The following TRAF3 variants were observed in gnomAD, a reference collection of about 807,000 sequenced individuals.
TRAF3 encodes the protein TNF receptor-associated factor 3.
TRAF3 carries 13 observed loss-of-function variants against 62.3 expected under a neutral mutation model. The ratio of observed to expected loss-of-function variants is 0.21; its 90% CI spans 0.14 to 0.33. TRAF3 has a LOEUF of 0.33. TRAF3 is among the 10% of genes least tolerant of loss of function. The probability of loss-of-function intolerance (pLI) is 1.00; values close to 1 mark genes in which losing one functional copy is unlikely to be tolerated. For synonymous variants in TRAF3, 269 were observed against 283.4 expected (o/e 0.95, Z 0.51); for missense variants, 440 against 741.8 (o/e 0.59, Z 4.73).
In TRAF3 at chr14:102,856,591, C is replaced by T. The variant is rs776016720; in HGVS notation, c.-17-13594C>T. Among the ~76,000 whole-genome samples the T allele has an allele frequency of 5.3e-5, 8 of 152,106 alleles. No homozygotes were observed. The South Asian group carries it at 6.2e-4, about 12-fold the overall frequency. On this transcript the variant is annotated intron_variant, in intron 2 of 11. Coordinates refer to ENST00000392745, the MANE Select transcript of TRAF3 (RefSeq NM_145725.3). ...GGTCTTTATTACCTGTATCTTGTGC[C>T]GACCTCCTGTCTCATCCTGTGACTT...
rs190066178 is a variant in TRAF3, at chr14:102,804,876, C to T, written c.-156-25458C>T. ...CTGTATGATATGTAATATATATGTT[C>T]TAATATTACAAACTTCTAAAAATCT... On this transcript the variant is annotated intron_variant, in intron 1 of 11. Transcript: ENST00000392745. Among the ~76,000 whole-genome samples, 814 of 152,196 alleles carry T rather than the reference C, an allele frequency of 5.3e-3. 5 individuals carry two copies. Among genetic ancestry groups the T allele is most frequent in the Admixed American group, 9.7e-3 (148 of 15,282 alleles).
intron 9 of TRAF3, among the ~76,000 whole-genome samples, chr14:102,895,551 G>A (rs1010854302): frequency 6.6e-6 from 1 of 152,178 alleles, no homozygotes; most frequent in Non-Finnish European, 1.5e-5. Context: ...GTTTTAGAGC[G>A]TACATCGTTG....
intron 2 of TRAF3, among the ~76,000 whole-genome samples, chr14:102,844,637 G>A (rs1886585024): frequency 6.6e-6 from 1 of 152,176 alleles, no homozygotes; most frequent in Admixed American, 6.5e-5. Flanking sequence ...GGAACCATGG[G>A]GAAGGTGAAC....
chr14:102,856,388 G>C (rs1351973849), intron 2 of TRAF3, among the ~76,000 whole-genome samples: 2 of 152,142 alleles, frequency 1.3e-5, no homozygotes, highest in Non-Finnish European at 2.9e-5. Flanking sequence ...GACCATACAG[G>C]GCAACTTCCT....
chr14:102,900,219 T>G (rs1595410954), intron 10 of TRAF3, among the ~76,000 whole-genome samples: 1 of 116,814 alleles, frequency 8.6e-6, no homozygotes, highest in Admixed American at 9.6e-5. Flanking sequence ...CCTAGGCCGG[T>G]AGGCCGGACA....
At chr14:102,779,628 A>G (rs899381809) in intron 1 of TRAF3, among the ~76,000 whole-genome samples, 7 of 152,206 alleles carry the variant, frequency 4.6e-5, no homozygotes, top group Non-Finnish European at 1.0e-4. Context: ...TATTGTCAGG[A>G]TACGTATGCT....
intron 1 of TRAF3, among the ~76,000 whole-genome samples, chr14:102,812,611 A>G (rs537346259): frequency 5.9e-5 from 9 of 152,156 alleles, no homozygotes; most frequent in Admixed American, 3.3e-4. Context: ...ATTCCTACCA[A>G]TAGTGTGTAA....
chr14:102,892,754 A>C (rs1170781802), intron 9 of TRAF3, among the ~76,000 whole-genome samples: 2 of 152,184 alleles, frequency 1.3e-5, no homozygotes, highest in African/African-American at 4.8e-5. Context: ...AAATAGAAAG[A>C]TTTCCCTTTA....
chr14:102,821,045 C>T (rs1238312740), intron 1 of TRAF3, among the ~76,000 whole-genome samples: 1 of 152,102 alleles, frequency 6.6e-6, no homozygotes, highest in Admixed American at 6.5e-5. Context: ...ATATGCATAT[C>T]TCAAGCACTT....
intron 11 of TRAF3, among the ~76,000 whole-genome samples, chr14:102,904,144 G>A (rs1890457149): frequency 6.6e-6 from 1 of 152,176 alleles, no homozygotes; most frequent in Admixed American, 6.5e-5. Flanking sequence ...ACTCTGTCTT[G>A]GACCCTGCAG....
At chr14:102,875,787 C>T (rs1217185792) in intron 5 of TRAF3, 59 bp downstream of exon 5, 2 of 1,448,736 alleles carry the variant, frequency 1.4e-6, no homozygotes, top group East Asian at 4.6e-5. Context: ...CCCTTACATC[C>T]AGCTGATGAA....
At chr14:102,889,841 C>T (rs1198230800) in intron 8 of TRAF3, among the ~76,000 whole-genome samples, 2 of 152,188 alleles carry the variant, frequency 1.3e-5, no homozygotes, top group Non-Finnish European at 2.9e-5. Flanking sequence ...CAGGGAGACA[C>T]TGTGCTGAGG....
At chr14:102,820,396 C>T (rs1595327180) in intron 1 of TRAF3, among the ~76,000 whole-genome samples, 1 of 151,850 alleles carries the variant, frequency 6.6e-6, no homozygotes, top group East Asian at 1.9e-4. Flanking sequence ...TGCAGTCACA[C>T]ACTCTGCCCT....
intron 1 of TRAF3, among the ~76,000 whole-genome samples, chr14:102,817,971 C>A (rs1376041008): frequency 6.6e-6 from 1 of 152,170 alleles, no homozygotes; most frequent in African/African-American, 2.4e-5. Flanking sequence ...TTGGCAATCA[C>A]CTTATTCTGC....
chr14:102,901,226 C>T (rs1393597314), intron 10 of TRAF3, among the ~76,000 whole-genome samples: 4 of 152,162 alleles, frequency 2.6e-5, no homozygotes, highest in East Asian at 1.9e-4. Context: ...CGTGCCCTTG[C>T]GTAGCACAAT....
At chr14:102,788,346 C>G (rs1160023686) in intron 1 of TRAF3, among the ~76,000 whole-genome samples, 3 of 152,164 alleles carry the variant, frequency 2.0e-5, no homozygotes, top group Admixed American at 2.0e-4. Flanking sequence ...TCACAATGTT[C>G]TGCAACCACC....
intron 10 of TRAF3, among the ~76,000 whole-genome samples, chr14:102,900,585 CAGG>C (rs1487624244): frequency 1.3e-5 from 2 of 152,222 alleles, no homozygotes; most frequent in East Asian, 1.9e-4. Flanking sequence ...TTCTTACAGT[CAGG>C]GGGTCCACAG....
chr14:102,875,128 C>G (rs1160653251), intron 4 of TRAF3, among the ~76,000 whole-genome samples: 2 of 152,164 alleles, frequency 1.3e-5, no homozygotes, highest in East Asian at 3.8e-4. Context: ...AATCATTCCC[C>G]AAATATGGTC....
intron 2 of TRAF3, among the ~76,000 whole-genome samples, chr14:102,843,463 T>C (rs1193107672): frequency 6.6e-6 from 1 of 151,702 alleles, no homozygotes; most frequent in African/African-American, 2.4e-5. Flanking sequence ...TCAGCCTCCC[T>C]AGTAGCTGGG....
Sources: allele counts gnomAD v4.1 joint callset (sites outside exome capture counted in the v4.1 genomes callset), GRCh38; gene constraint gnomAD v4.1.1; transcripts MANE v1.5; gene names NCBI Gene and HGNC (gene_info 2026-07-23, HGNC 2026-07-21).